Variants in TTC6 observed in about 807,000 individuals in gnomAD.
TTC6 encodes the protein tetratricopeptide repeat protein 6.
TTC6 carries 172 observed loss-of-function variants against 210.4 expected under a neutral mutation model. That is an observed-to-expected ratio of 0.82 (90% CI 0.72 to 0.93). TTC6 has a LOEUF of 0.93. TTC6 is among the 40% of genes least tolerant of loss of function. The pLI is 0.00. For missense variants in TTC6, 2,414 were observed against 2,318.1 expected (o/e 1.04, Z -0.85); for synonymous variants, 804 against 819.6 (o/e 0.98, Z 0.32).
At chr14:37,637,617 A>C (rs1595045466) in intron 1 of TTC6, among the ~76,000 whole-genome samples, 1 of 152,308 alleles carries the variant, frequency 6.6e-6, no homozygotes, top group African/African-American at 2.4e-5. Context: ...CCTGGGTGAC[A>C]GAGTGAGACC....
At chr14:37,636,951 G>A (rs2095682027) in intron 1 of TTC6, among the ~76,000 whole-genome samples, 1 of 152,158 alleles carries the variant, frequency 6.6e-6, no homozygotes, top group South Asian at 2.1e-4. Flanking sequence ...ATATTGGGGT[G>A]GAGGGGAGAG....
intron 26 of TTC6, among the ~76,000 whole-genome samples, 166 bp downstream of exon 28, chr14:37,817,817 C>T (rs776712794): frequency 6.6e-6 from 1 of 151,706 alleles, no homozygotes; most frequent in Non-Finnish European, 1.5e-5. Flanking sequence ...TGTGTAGACA[C>T]GGGGACCACA....
chr14:37,599,698 G>T (rs1324098351), intron 1 of TTC6, among the ~76,000 whole-genome samples: 1 of 152,122 alleles, frequency 6.6e-6, no homozygotes, highest in Non-Finnish European at 1.5e-5. Flanking sequence ...AAATCAACTC[G>T]CATTTTCATG....
chr14:37,808,786 T>C (rs762188381), exon 24 of TTC6: 23 of 1,530,518 alleles, frequency 1.5e-5, no homozygotes, highest in Non-Finnish European at 1.9e-5. Flanking sequence ...TGGACAAAAA[T>C]AGTTATACAG....
At chr14:37,817,789 G>A in intron 26 of TTC6, 138 bp downstream of exon 28, 1 of 800,848 alleles carries the variant, frequency 1.2e-6, no homozygotes, top group Non-Finnish European at 2.0e-6. Context: ...AAAATGGGGA[G>A]GGACACAAAG....
chr14:37,636,776 A>G (rs1293869995), intron 1 of TTC6, among the ~76,000 whole-genome samples: 1 of 152,244 alleles, frequency 6.6e-6, no homozygotes, highest in Non-Finnish European at 1.5e-5. Context: ...ATTTGATCCA[A>G]GCAAATTTTA....
chr14:37,759,870 G>A (rs563499340), intron 14 of TTC6, among the ~76,000 whole-genome samples: 21 of 152,102 alleles, frequency 1.4e-4, no homozygotes, highest in African/African-American at 3.9e-4. Context: ...TCTTCTTCTC[G>A]AAATTGGTTA....
chr14:37,724,575 T>G (rs1390190552), intron 6 of TTC6, among the ~76,000 whole-genome samples: 1 of 152,186 alleles, frequency 6.6e-6, no homozygotes, highest in African/African-American at 2.4e-5. Context: ...TCCCCATGCA[T>G]GTGTGCAAGA....
chr14:37,614,443 C>T (rs2095639352), intron 2 of TTC6, among the ~76,000 whole-genome samples: 1 of 152,156 alleles, frequency 6.6e-6, no homozygotes, highest in Non-Finnish European at 1.5e-5. Flanking sequence ...CATCCCACAA[C>T]ACAATATCAT....
chr14:37,673,351 G>A (rs1156763923), intron 1 of TTC6, among the ~76,000 whole-genome samples: 1 of 152,134 alleles, frequency 6.6e-6, no homozygotes, highest in Non-Finnish European at 1.5e-5. Flanking sequence ...ATATTGTTTA[G>A]GGCCATACAA....
At chr14:37,690,485 G>A (rs1009435477) in intron 3 of TTC6, among the ~76,000 whole-genome samples, 2 of 152,016 alleles carry the variant, frequency 1.3e-5, no homozygotes, top group African/African-American at 4.8e-5. Context: ...TACAAGTAAT[G>A]CACTTCATCT....
At chr14:37,718,802 T>C (rs2104228) in intron 6 of TTC6, among the ~76,000 whole-genome samples, 151,710 of 152,216 alleles carry the variant, frequency 1, 75,608 homozygotes, top group Middle Eastern at 1. Flanking sequence ...GTGGTGTGTG[T>C]CTGTAGTCCC....
intron 1 of TTC6, among the ~76,000 whole-genome samples, chr14:37,676,928 C>G (rs1299170629): frequency 6.6e-6 from 1 of 151,946 alleles, no homozygotes; most frequent in African/African-American, 2.4e-5. Context: ...GATGTCTATC[C>G]TTATGCTAGT....
At chr14:37,724,905 C>G in exon 7 of TTC6, 1 of 1,518,970 alleles carries the variant, frequency 6.6e-7, no homozygotes, top group Non-Finnish European at 8.8e-7. Context: ...AAGATGTATG[C>G]TTATCCAGAA....
intron 14 of TTC6, among the ~76,000 whole-genome samples, chr14:37,773,055 A>C (rs766897038): frequency 3.9e-5 from 6 of 152,138 alleles, no homozygotes; most frequent in African/African-American, 4.8e-5. Flanking sequence ...TCTTCTATTG[A>C]AAAGTGTCTG....
Position 37,753,094 on chromosome 14 carries a change from T to C in TTC6, c.3130-5T>C. ...ATGTTTATGTACCTCCCGCTGTCCCTATAGTGTATTTTTTATGATCCCAAA... is the reference window on the plus strand; with the variant it reads ...ATGTTTATGTACCTCCCGCTGTCCCCATAGTGTATTTTTTATGATCCCAAA... On this transcript the variant is annotated splice_region_variant and splice_polypyrimidine_tract_variant and intron_variant, in intron 13 of 30. Coordinates refer to ENST00000553443, the Ensembl canonical transcript of TTC6. The C allele has an allele frequency of 1.3e-6, 2 of 1,531,404 alleles. No individual in the cohort carries two copies. Among genetic ancestry groups the C allele is most frequent in the Non-Finnish European group, 8.7e-7 (1 of 1,143,090 alleles). 94.9% of individuals were successfully genotyped at this position (1,531,404 alleles called of 1,614,324 possible). A position where few individuals can be genotyped will look rare whatever the true frequency, so the allele number is the denominator to read the frequency against.
chr14:37,759,711 C>T (rs1250828163), intron 14 of TTC6, among the ~76,000 whole-genome samples: 2 of 152,104 alleles, frequency 1.3e-5, no homozygotes, highest in African/African-American at 4.8e-5. Flanking sequence ...TTCATTCTTT[C>T]TTGTCTAATC....
intron 24 of TTC6, among the ~76,000 whole-genome samples, chr14:37,811,132 T>A (rs563628802): frequency 2.0e-5 from 3 of 152,298 alleles, no homozygotes; most frequent in South Asian, 2.1e-4. Flanking sequence ...CTTACCCTCG[T>A]TGACCTTTAC....
At chr14:37,838,346 C>CA (rs1340271536) in intron 29 of TTC6, among the ~76,000 whole-genome samples, 1 of 152,122 alleles carries the variant, frequency 6.6e-6, no homozygotes, top group Non-Finnish European at 1.5e-5. Flanking sequence ...ATAGCCATGT[C>CA]AAAATGCTAT....
Sources: allele counts gnomAD v4.1 joint callset (sites outside exome capture counted in the v4.1 genomes callset), GRCh38; gene constraint gnomAD v4.1.1; transcripts MANE v1.5; gene names NCBI Gene and HGNC (gene_info 2026-07-23, HGNC 2026-07-21).